ACAD11: variants seen among roughly 807,000 people sequenced by gnomAD.
ACAD11 encodes the protein acyl-CoA dehydrogenase family member 11.
Under a neutral mutation model 102.2 loss-of-function variants are expected in ACAD11, and 83 were observed. The ratio of observed to expected loss-of-function variants is 0.81; its 90% CI spans 0.68 to 0.97. The LOEUF (loss-of-function observed/expected upper bound fraction) is 0.97, where lower values mean the gene tolerates loss of function less well. Among genes scored for constraint, ACAD11 ranks in the 50% least tolerant of loss-of-function variants. The probability of loss-of-function intolerance (pLI) is 0.00; values close to 1 mark genes in which losing one functional copy is unlikely to be tolerated. For synonymous variants in ACAD11, 324 were observed against 319.8 expected (o/e 1.01, Z -0.14); for missense variants, 901 against 951.7 (o/e 0.95, Z 0.70).
intron 9 of ACAD11, among the ~76,000 whole-genome samples, chr3:132,623,888 G>A (rs998009477): frequency 1.8e-4 from 27 of 152,248 alleles, no homozygotes; most frequent in Non-Finnish European, 1.3e-4. Flanking sequence ...CTGATTGCAA[G>A]TACTAGCATG....
Position 132,605,098 on chromosome 3 carries a change from C to T in ACAD11, c.1522G>A (p.Glu508Lys), listed in dbSNP as rs200003011. 4.8e-5 allele frequency: 78 copies of T among 1,609,082 alleles called. No individual in the cohort carries two copies. Among genetic ancestry groups the T allele is most frequent in the Non-Finnish European group, 6.3e-5 (74 of 1,176,040 alleles). Residue 508 changes from glutamate to lysine, a missense_variant and splice_region_variant, in exon 12 of 20, where the codon GAA becomes AAA. Transcript: ENST00000264990. ...GGAGAGAATGGTGATTGGCATTTAC[C>T]TGTCATACAGAAGCAAGAGGTAATG... Reference protein sequence around the residue: ...GNITSCFCMTEPDVASSDATN... With the variant: ...GNITSCFCMTKPDVASSDATN...
intron 6 of ACAD11, among the ~76,000 whole-genome samples, chr3:132,630,811 T>A (rs1212522047): frequency 6.6e-6 from 1 of 152,186 alleles, no homozygotes; most frequent in Admixed American, 6.5e-5. Context: ...TCACGATGGC[T>A]CATGCCTATA....
At chr3:132,610,751 A>T (rs1057261415) in intron 11 of ACAD11, among the ~76,000 whole-genome samples, 12 of 152,194 alleles carry the variant, frequency 7.9e-5, no homozygotes, top group Non-Finnish European at 1.6e-4. Context: ...AACCAAAAAA[A>T]GTCCAGGACC....
chr3:132,576,205 T>C (rs1937522206), intron 16 of ACAD11, among the ~76,000 whole-genome samples: 1 of 152,178 alleles, frequency 6.6e-6, no homozygotes, highest in Non-Finnish European at 1.5e-5. Flanking sequence ...AGATACAAAG[T>C]TGGAATAACA....
intron 5 of ACAD11, among the ~76,000 whole-genome samples, chr3:132,636,947 T>A (rs1940297844): frequency 6.6e-6 from 1 of 151,466 alleles, no homozygotes; most frequent in African/African-American, 2.4e-5. Context: ...AATGTGAGAG[T>A]TTGAGAAGAA....
chr3:132,578,857 A>T lies in ACAD11; in HGVS notation c.1713T>A (p.Leu571=). 1 of 1,613,076 alleles carries T rather than the reference A, an allele frequency of 6.2e-7. No homozygotes were observed. The highest frequency in any genetic ancestry group is 8.5e-7 in the Non-Finnish European group (1 of 1,179,396). ...TTACTCCAGGTGTGTTCATGGGAAC[A>T]AGAATCATGCTGTGCTGTTTGTGTC... ...LSRHKQHSMI[L]VPMNTPGVKI... The change falls in exon 15 of 20, where the codon CTT becomes CTA. Residue 571 remains leucine, a synonymous_variant. Transcript: ENST00000264990.
chr3:132,640,706 T>C (rs1367679958), intron 4 of ACAD11, among the ~76,000 whole-genome samples: 1 of 152,176 alleles, frequency 6.6e-6, no homozygotes, highest in African/African-American at 2.4e-5. Flanking sequence ...CCTTTCTTCA[T>C]CTGCAAAATG....
At chr3:132,638,585 G>A (rs769325168) in intron 5 of ACAD11, among the ~76,000 whole-genome samples, 1 of 152,126 alleles carries the variant, frequency 6.6e-6, no homozygotes, top group Non-Finnish European at 1.5e-5. Context: ...TACAGTCATT[G>A]TTTTAAAGGA....
chr3:132,609,766 T>C (rs1165989009), intron 11 of ACAD11, among the ~76,000 whole-genome samples: 1 of 152,170 alleles, frequency 6.6e-6, no homozygotes, highest in Non-Finnish European at 1.5e-5. Flanking sequence ...GACTCCTTCC[T>C]AACTCGTTTT....
intron 5 of ACAD11, among the ~76,000 whole-genome samples, chr3:132,632,493 G>A (rs1044440762): frequency 1.3e-5 from 2 of 152,144 alleles, no homozygotes; most frequent in Non-Finnish European, 2.9e-5. Flanking sequence ...AAAGATTATA[G>A]TTTGAAGTCA....
At position 132,558,808 on chromosome 3, in the gene ACAD11, T is replaced by C. The variant is rs1936958209; in HGVS notation, c.*163A>G. On this transcript the variant is annotated 3_prime_UTR_variant, in exon 20 of 20. Coordinates refer to ENST00000264990, the MANE Select transcript of ACAD11 (RefSeq NM_032169.5). ...ACTTAACCCTGTGTGACCCTTGAAATAATAAAACCCACTGATCAAAATAGA... is the reference window on the plus strand; with the variant it reads ...ACTTAACCCTGTGTGACCCTTGAAACAATAAAACCCACTGATCAAAATAGA... The C allele has an allele frequency of 3.4e-6, 2 of 584,632 alleles. No homozygotes were observed. The highest frequency in any genetic ancestry group is 4.7e-5 in the South Asian group (2 of 42,330). 36.2% of individuals were successfully genotyped at this position (584,632 alleles called of 1,614,324 possible).
In ACAD11 at chr3:132,559,878, A is replaced by G. The variant is rs748702983; in HGVS notation, c.2183T>C (p.Val728Ala). The G allele has an allele frequency of 6.2e-7, 1 of 1,613,676 alleles. No homozygotes were observed. Among genetic ancestry groups the G allele is most frequent in the South Asian group, 1.1e-5 (1 of 91,008 alleles). Reference sequence around the variant, plus strand: ...CTGGGAAACACCAGCACCTCCGCACACCTGGATGGCCCAGTCAACGATTTT... The same window carrying G: ...CTGGGAAACACCAGCACCTCCGCACGCCTGGATGGCCCAGTCAACGATTTT... The part of the protein sequence containing the change: ...VSKIVDWAIQ[V>A]CGGAGVSQDY... The change falls in exon 19 of 20, where the codon GTG becomes GCG. Residue 728 changes from valine (V) to alanine (A), a missense_variant. Transcript: ENST00000264990.
intron 11 of ACAD11, 26 bp downstream of exon 11, chr3:132,618,608 A>G (rs1357572153): frequency 5.3e-6 from 8 of 1,522,326 alleles, no homozygotes; most frequent in Non-Finnish European, 7.0e-6. Flanking sequence ...ATTAGAAAAA[A>G]TTATGTTTTC....
rs140044637 is a variant in ACAD11, at chr3:132,639,499, G to C, written c.695C>G (p.Pro232Arg). ...AAACATAGCTAACTGTACCTCTTTA[G>C]GGTGGAAAACTATGTTATCTAGTCT... The part of the protein sequence containing the change: ...DFRLDNIVFH[P>R]KECRVIAVLD... Residue 232 changes from proline to arginine, a missense_variant, in exon 5 of 20, where the codon CCT (proline) becomes CGT (arginine). Coordinates refer to ENST00000264990, the MANE Select transcript of ACAD11 (RefSeq NM_032169.5). 6.2e-7 allele frequency: 1 copy of C among 1,613,014 alleles called. No individual in the cohort carries two copies. The highest frequency in any genetic ancestry group is 1.3e-5 in the African/African-American group (1 of 74,814).
At chr3:132,599,618 AAG>A (rs1242668809) in intron 13 of ACAD11, among the ~76,000 whole-genome samples, 6 of 150,396 alleles carry the variant, frequency 4.0e-5, no homozygotes, top group Non-Finnish European at 5.9e-5. Flanking sequence ...TTAAGAGGAG[AAG>A]ACAGATTCAA....
intron 13 of ACAD11, chr3:132,600,647 G>A: frequency 6.2e-7 from 1 of 1,613,636 alleles, no homozygotes; most frequent in Non-Finnish European, 8.5e-7. Context: ...CCTGAATTTG[G>A]CTGTAGCAGA....
Position 132,605,212 on chromosome 3 carries a change from A to G in ACAD11, c.1415-7T>C. 6.3e-7 allele frequency: 1 copy of G among 1,596,218 alleles called. No individual in the cohort carries two copies. Among genetic ancestry groups the G allele is most frequent in the Non-Finnish European group, 8.6e-7 (1 of 1,165,810 alleles). ...ACCTCCATATTCCCTGTGTCTACAC[A>G]TAAAGAAGGAGTATTTGTTTTGCAT... On this transcript the variant is annotated splice_region_variant and splice_polypyrimidine_tract_variant and intron_variant, in intron 11 of 19. Transcript: ENST00000264990.
chr3:132,578,759 G>C, intron 15 of ACAD11, 37 bp downstream of exon 15: 1 of 1,604,988 alleles, frequency 6.2e-7, no homozygotes, highest in Admixed American at 1.7e-5. Flanking sequence ...TAGCCTTCCT[G>C]CTTGCTAATG....
Position 132,628,328 on chromosome 3 carries a change from T to C in ACAD11, c.1070+12A>G. The C allele has an allele frequency of 6.3e-7, 1 of 1,592,450 alleles. No homozygotes were observed. Among genetic ancestry groups the C allele is most frequent in the Non-Finnish European group, 8.6e-7 (1 of 1,162,664 alleles). On this transcript the variant is annotated intron_variant, in intron 8 of 19. Transcript: ENST00000264990. Reference sequence around the variant, plus strand: ...TCTAATTTGAGTTAGCCAAGGAATCTGTTTTCCTTACCGTTTGGAGAGTTG... The same window carrying C: ...TCTAATTTGAGTTAGCCAAGGAATCCGTTTTCCTTACCGTTTGGAGAGTTG...
Sources: gnomAD v4.1 joint callset for allele counts (sites outside exome capture counted in the v4.1 genomes callset) on GRCh38, gnomAD v4.1.1 for gene constraint, MANE v1.5 for transcripts, NCBI Gene and HGNC (gene_info 2026-07-23, HGNC 2026-07-21) for gene names.